Variants in AIG1 observed in about 807,000 individuals in gnomAD.
AIG1 encodes the protein androgen-induced gene 1 protein.
Under a neutral mutation model 31.4 loss-of-function variants are expected in AIG1, and 23 were observed. That is an observed-to-expected ratio of 0.73 (90% CI 0.53 to 1.04). The LOEUF is 1.04. AIG1 is among the 50% of genes least tolerant of loss of function. AIG1 has a pLI of 0.00. For missense variants in AIG1, 274 were observed against 295.0 expected (o/e 0.93, Z 0.52); for synonymous variants, 100 against 110.5 (o/e 0.90, Z 0.60).
rs75966905 is a variant in AIG1 at position 143,145,987 on chromosome 6, C to T, written c.297+8997C>T. Among the ~76,000 whole-genome samples the T allele has an allele frequency of 9.5e-4, 144 of 152,196 alleles. 2 individuals are homozygous for T. Among genetic ancestry groups the T allele is most frequent in the East Asian group, 5.6e-3 (29 of 5,186 alleles). ...ACTGAAATCTGATATTTGAAGAAGT[C>T]CTTCTCAAAGAAAGATTTCTTACAC... is the stretch of plus-strand genomic sequence containing the variant. On this transcript the variant is annotated intron_variant, in intron 2 of 5. Coordinates refer to ENST00000357847, the MANE Select transcript of AIG1 (RefSeq NM_016108.4).
chr6:143,095,725 A>G (rs1194005380), intron 1 of AIG1, among the ~76,000 whole-genome samples: 2 of 152,138 alleles, frequency 1.3e-5, no homozygotes, highest in Non-Finnish European at 2.9e-5. Flanking sequence ...CATATACCTC[A>G]TCTTGTTTTT....
At chr6:143,183,710 GAGTGTGGTTTACACA>G (rs1788959352) in intron 3 of AIG1, among the ~76,000 whole-genome samples, 1 of 152,196 alleles carries the variant, frequency 6.6e-6, no homozygotes, top group African/African-American at 2.4e-5. Flanking sequence ...GCAAAACCCA[GAGTGTGGTTTACACA>G]AGTGCTTTCT....
chr6:143,289,818 G>A (rs961160949), intron 4 of AIG1, among the ~76,000 whole-genome samples: 4 of 152,134 alleles, frequency 2.6e-5, no homozygotes, highest in Admixed American at 2.6e-4. Context: ...TTTTAGCCAT[G>A]AATGAGTAAA....
rs200552960 is a variant in AIG1 at position 143,200,340 on chromosome 6, CATA to C, written c.399+35160_399+35162del. Among the ~76,000 whole-genome samples the C allele has an allele frequency of 4.8e-3, 730 of 152,236 alleles. 20 individuals carry two copies. In the East Asian group the frequency reaches 0.074, roughly 15 times the overall value. ...TATGACAACATCATTGTGAAAATGA[CATA>C]ATGATTTCAGTTCACATTAAAGATA... On this transcript the variant is annotated intron_variant, in intron 3 of 5. Coordinates refer to ENST00000357847, the MANE Select transcript of AIG1 (RefSeq NM_016108.4).
chr6:143,207,448 G>A (rs1404628538), intron 3 of AIG1, among the ~76,000 whole-genome samples: 1 of 151,734 alleles, frequency 6.6e-6, no homozygotes, highest in Non-Finnish European at 1.5e-5. Flanking sequence ...TTTACAGAAA[G>A]CAATTATCTA....
chr6:143,234,162 A>G (rs552311911), intron 3 of AIG1, among the ~76,000 whole-genome samples: 10 of 152,258 alleles, frequency 6.6e-5, no homozygotes, highest in Admixed American at 3.9e-4. Context: ...CGGGGGGACT[A>G]TGTTGCTGTG....
intron 4 of AIG1, among the ~76,000 whole-genome samples, chr6:143,315,519 CA>C (rs1775671619): frequency 6.6e-6 from 1 of 152,034 alleles, no homozygotes; most frequent in South Asian, 2.1e-4. Context: ...TAGACTCTCA[CA>C]AATGTAGGCA....
chr6:143,137,566 C>G (rs1783876445), intron 2 of AIG1, among the ~76,000 whole-genome samples: 1 of 152,124 alleles, frequency 6.6e-6, no homozygotes, highest in Non-Finnish European at 1.5e-5. Flanking sequence ...GCTCATACTT[C>G]TTCAGTTACC....
chr6:143,081,457 G>T (rs950475955), intron 1 of AIG1, among the ~76,000 whole-genome samples: 1 of 151,624 alleles, frequency 6.6e-6, no homozygotes, highest in Non-Finnish European at 1.5e-5. Flanking sequence ...AAAGTACCCA[G>T]ATTAGTAGAT....
intron 1 of AIG1, among the ~76,000 whole-genome samples, chr6:143,114,539 A>T (rs557005377): frequency 3.2e-4 from 49 of 152,344 alleles, no homozygotes; most frequent in African/African-American, 1.1e-3. Flanking sequence ...TGAGGGCAGC[A>T]CTATTTTTAT....
rs2128688564 is a variant in AIG1, at chr6:143,291,683, G to A, written c.515+7458G>A. Among the ~76,000 whole-genome samples, 1 of 152,276 alleles carries A rather than the reference G, an allele frequency of 6.6e-6. No individual in the cohort carries two copies. The highest frequency in any genetic ancestry group is 6.5e-5 in the Admixed American group (1 of 15,300). On this transcript the variant is annotated intron_variant, in intron 4 of 5. Transcript: ENST00000357847. This position sits in a 1 kb window ranked among gnomAD's most constrained non-coding sequence, Gnocchi z 4.2. ...TCCTCTTCTACTTCAGGGTCTTAGA[G>A]TGCATGGAATAAATAAGTAAACCCC...
chr6:143,323,467 A>G (rs1229577972), intron 4 of AIG1, among the ~76,000 whole-genome samples: 2 of 152,216 alleles, frequency 1.3e-5, no homozygotes, highest in African/African-American at 2.4e-5. Flanking sequence ...TTGTCTTGAA[A>G]AATACTGTAA....
intron 3 of AIG1, among the ~76,000 whole-genome samples, chr6:143,252,190 GC>G (rs1795055467): frequency 6.6e-6 from 1 of 152,172 alleles, no homozygotes. Flanking sequence ...CACGATCTCA[GC>G]TCACTGCAAC....
In AIG1 at chr6:143,279,026, G is replaced by A. The variant is rs1319079839; in HGVS notation, c.400-5084G>A. Among the ~76,000 whole-genome samples, 1 of 152,002 alleles carries A rather than the reference G, an allele frequency of 6.6e-6. No homozygotes were observed. Among genetic ancestry groups the A allele is most frequent in the Admixed American group, 6.6e-5 (1 of 15,266 alleles). On this transcript the variant is annotated intron_variant, in intron 3 of 5. Coordinates refer to ENST00000357847, the MANE Select transcript of AIG1 (RefSeq NM_016108.4). This position sits in a 1 kb window ranked among gnomAD's most constrained non-coding sequence, Gnocchi z 5.4. ...AAAAAAAATCAAGTAGCATGAACGG[G>A]GCCACAGTATGGCTTTTGTAGATTT... is the stretch of plus-strand genomic sequence containing the variant.
intron 3 of AIG1, among the ~76,000 whole-genome samples, chr6:143,197,572 C>CAGTA (rs1263741631): frequency 2.0e-5 from 3 of 152,178 alleles, no homozygotes; most frequent in Non-Finnish European, 2.9e-5. Flanking sequence ...GCATCCCCTG[C>CAGTA]AGTTGGTTCT....
At chr6:143,261,693 C>A (rs1795790928) in intron 3 of AIG1, among the ~76,000 whole-genome samples, 2 of 152,110 alleles carry the variant, frequency 1.3e-5, no homozygotes, top group Admixed American at 1.3e-4. Context: ...TGAATCAACA[C>A]CAGCCTATCC....
chr6:143,200,992 C>T (rs1367898095), intron 3 of AIG1, among the ~76,000 whole-genome samples: 2 of 152,134 alleles, frequency 1.3e-5, no homozygotes, highest in Admixed American at 6.6e-5. Context: ...TGGACTCCCA[C>T]ATCCCTCCCA....
chr6:143,172,352 A>C (rs547964999), intron 3 of AIG1, among the ~76,000 whole-genome samples: 2 of 152,190 alleles, frequency 1.3e-5, no homozygotes, highest in Non-Finnish European at 2.9e-5. Context: ...AATTCTGTTC[A>C]CATGGTGCAT....
chr6:143,098,522 A>G (rs1408108059), intron 1 of AIG1, among the ~76,000 whole-genome samples: 2 of 152,182 alleles, frequency 1.3e-5, no homozygotes, highest in African/African-American at 4.8e-5. Flanking sequence ...GTCTACATTC[A>G]CTACCTTGGG....
Sources: allele counts gnomAD v4.1 joint callset (sites outside exome capture counted in the v4.1 genomes callset), GRCh38; gene constraint gnomAD v4.1.1; non-coding constraint Gnocchi (gnomAD v3.1); transcripts MANE v1.5; gene names NCBI Gene and HGNC (gene_info 2026-07-23, HGNC 2026-07-21).